CHODL: variants seen among roughly 807,000 people sequenced by gnomAD.
The protein encoded by CHODL is chondrolectin, also known as transmembrane protein MT75.
A neutral mutation model predicts 34.5 loss-of-function variants in CHODL; 29 were observed. The ratio of observed to expected loss-of-function variants is 0.84; its 90% CI spans 0.63 to 1.15. CHODL has a LOEUF of 1.15. CHODL is among the 50% of genes most tolerant of loss of function. The pLI, the probability that CHODL is intolerant of heterozygous loss-of-function variation, is 0.00. For missense variants in CHODL, 332 were observed against 332.5 expected, an observed-to-expected ratio of 1.00 and a Z score of 0.01; for synonymous variants, 125 against 116.1, an observed-to-expected ratio of 1.08 and a Z score of -0.49.
chr21:18,057,187 G>A (rs1477827557), intron 2 of CHODL, among the ~76,000 whole-genome samples: 1 of 152,030 alleles, frequency 6.6e-6, no homozygotes, highest in Admixed American at 6.6e-5. Flanking sequence ...GGGGAAAGAC[G>A]CTGAGATTTT....
At chr21:17,962,113 G>A (rs2063536432) in intron 1 of CHODL, among the ~76,000 whole-genome samples, 1 of 152,142 alleles carries the variant, frequency 6.6e-6, no homozygotes, top group Non-Finnish European at 1.5e-5. Context: ...GGGGCTAAAT[G>A]TTTAGGGACC....
intron 1 of CHODL, among the ~76,000 whole-genome samples, chr21:18,016,321 T>G (rs1199663462): frequency 6.6e-6 from 1 of 152,198 alleles, no homozygotes; most frequent in Non-Finnish European, 1.5e-5. Context: ...AGGCTGTTAC[T>G]TTAGAGGATG....
At chr21:18,248,709 A>ATATT (rs1555885898) in intron 1 of CHODL, among the ~76,000 whole-genome samples, 1 of 118,082 alleles carries the variant, frequency 8.5e-6, no homozygotes, top group Non-Finnish European at 1.6e-5. Flanking sequence ...ATATGTATAT[A>ATATT]ATATATACAT....
At chr21:18,080,678 C>T (rs951672797) in intron 2 of CHODL, among the ~76,000 whole-genome samples, 1 of 152,076 alleles carries the variant, frequency 6.6e-6, no homozygotes, top group African/African-American at 2.4e-5. Flanking sequence ...CCATTGTGTT[C>T]CATTGATCTA....
intron 2 of CHODL, among the ~76,000 whole-genome samples, chr21:18,133,100 T>G (rs17002364): frequency 0.03 from 4,589 of 152,096 alleles, 213 homozygotes; most frequent in African/African-American, 0.1. Context: ...AAAGACTTGC[T>G]TTGGCTATTG....
At chr21:17,996,524 C>T (rs2063850918) in intron 1 of CHODL, among the ~76,000 whole-genome samples, 1 of 152,172 alleles carries the variant, frequency 6.6e-6, no homozygotes, top group Admixed American at 6.5e-5. Flanking sequence ...GGAAAACAGT[C>T]TGCTAAGTGG....
intron 2 of CHODL, among the ~76,000 whole-genome samples, chr21:18,118,698 A>G (rs1417537157): frequency 6.6e-6 from 1 of 152,176 alleles, no homozygotes; most frequent in Non-Finnish European, 1.5e-5. Flanking sequence ...GCCACTCAAC[A>G]TCAAAACAAC....
chr21:18,257,329 G>A (rs2074330121), intron 3 of CHODL, among the ~76,000 whole-genome samples: 1 of 151,820 alleles, frequency 6.6e-6, no homozygotes, highest in Non-Finnish European at 1.5e-5. Flanking sequence ...AAAGAAGAGA[G>A]TAAATAAAAA....
At chr21:18,036,710 T>G (rs1415805823) in intron 2 of CHODL, among the ~76,000 whole-genome samples, 4 of 152,032 alleles carry the variant, frequency 2.6e-5, no homozygotes, top group African/African-American at 9.7e-5. Context: ...CTAATTTTTT[T>G]CTGTTACTTG....
At chr21:18,111,389 T>C (rs1434140780) in intron 2 of CHODL, among the ~76,000 whole-genome samples, 1 of 152,212 alleles carries the variant, frequency 6.6e-6, no homozygotes, top group Admixed American at 6.5e-5. Context: ...ATTTGTTACT[T>C]ACATGCCAAA....
intron 5 of CHODL, among the ~76,000 whole-genome samples, 200 bp downstream of exon 5, chr21:18,263,093 C>T (rs888194020): frequency 6.6e-6 from 1 of 151,952 alleles, no homozygotes; most frequent in Non-Finnish European, 1.5e-5. Flanking sequence ...TAAGCAGTTA[C>T]CCTTCTGTTT....
At chr21:17,951,495 C>T (rs1568813848) in intron 1 of CHODL, among the ~76,000 whole-genome samples, 1 of 152,142 alleles carries the variant, frequency 6.6e-6, no homozygotes, top group Non-Finnish European at 1.5e-5. Flanking sequence ...CAGCATGCTG[C>T]TATGATTTTG....
At chr21:17,968,342 GT>G (rs1385236251) in intron 1 of CHODL, among the ~76,000 whole-genome samples, 1 of 152,044 alleles carries the variant, frequency 6.6e-6, no homozygotes, top group Non-Finnish European at 1.5e-5. Flanking sequence ...TTTTCCCTCT[GT>G]ACCTTGAATG....
intron 2 of CHODL, among the ~76,000 whole-genome samples, chr21:18,090,726 G>GAAAAA (rs5842674): frequency 3.2e-5 from 4 of 125,172 alleles, no homozygotes; most frequent in African/African-American, 6.2e-5. Context: ...ATAATTTCCA[G>GAAAAA]AAAAAAAAAA....
chr21:18,223,574 G>A (rs2073904078), intron 2 of CHODL, among the ~76,000 whole-genome samples: 1 of 152,122 alleles, frequency 6.6e-6, no homozygotes, highest in African/African-American at 2.4e-5. Flanking sequence ...CTAAATATAT[G>A]CCTCTATATT....
chr21:18,256,388 T>C (rs2074314537), intron 1 of CHODL, 121 bp from the exon 2 acceptor site: 4 of 960,092 alleles, frequency 4.2e-6, no homozygotes, highest in East Asian at 2.6e-5. Flanking sequence ...AATAATTCAG[T>C]GGGAGAAGCA....
intron 2 of CHODL, among the ~76,000 whole-genome samples, chr21:18,200,116 A>C (rs1363118996): frequency 6.6e-6 from 1 of 151,978 alleles, no homozygotes; most frequent in Non-Finnish European, 1.5e-5. Flanking sequence ...GCAGCATTTG[A>C]TATTGTAATT....
At chr21:18,210,656 T>C (rs2073763012) in intron 2 of CHODL, among the ~76,000 whole-genome samples, 1 of 152,152 alleles carries the variant, frequency 6.6e-6, no homozygotes, top group South Asian at 2.1e-4. Context: ...CATAAAAACA[T>C]CTAGAAATTT....
chr21:17,952,194 C>CAAA lies in CHODL; in HGVS notation c.-145+34813_-145+34815dup, dbSNP rs58511535. 1.1e-3 allele frequency among the ~76,000 whole-genome samples: 88 copies of CAAA among 80,368 alleles called. 10 individuals carry two copies. Among genetic ancestry groups the CAAA allele is most frequent in the East Asian group, 3.6e-3 (9 of 2,528 alleles). The allele number at this position is 80,368 out of a possible 152,430, so 52.7% of individuals were successfully genotyped here. A position where few individuals can be genotyped will look rare whatever the true frequency, so the allele number is the denominator to read the frequency against. On this transcript the variant is annotated intron_variant, in intron 1 of 6. Transcript: ENST00000400127. Reference sequence around the variant, plus strand: ...GATTGTGCAGAGCAATACTATGTCTCAAAAAAAAAAAAAAAAAAAAAGAAA... The same window carrying CAAA: ...GATTGTGCAGAGCAATACTATGTCTCAAAAAAAAAAAAAAAAAAAAAAAAGAAA...
Sources: gnomAD v4.1 joint callset for allele counts (sites outside exome capture counted in the v4.1 genomes callset) on GRCh38, gnomAD v4.1.1 for gene constraint, MANE v1.5 for transcripts, NCBI Gene and HGNC (gene_info 2026-07-23, HGNC 2026-07-21) for gene names.